DPP6: variants seen among roughly 807,000 people sequenced by gnomAD.
DPP6 encodes the protein A-type potassium channel modulatory protein DPP6.
Under a neutral mutation model 122.6 loss-of-function variants are expected in DPP6, and 69 were observed. The observed-to-expected ratio is 0.56, with a 90% CI of 0.46 to 0.69. The LOEUF is 0.69. Among genes scored for constraint, DPP6 ranks in the 30% least tolerant of loss-of-function variants. The pLI is 0.00. For synonymous variants in DPP6, 418 were observed against 433.1 expected (o/e 0.97, Z 0.43); for missense variants, 928 against 1,116.9 (o/e 0.83, Z 2.41).
chr7:154,712,091 G>A (rs1458182680), intron 7 of DPP6, among the ~76,000 whole-genome samples: 1 of 152,072 alleles, frequency 6.6e-6, no homozygotes, highest in African/African-American at 2.4e-5. Flanking sequence ...GTCAAATAAA[G>A]CCTCAATTAG....
the DPP6 span, among the ~76,000 whole-genome samples, chr7:153,810,551 A>C: frequency 1.3e-5 from 2 of 152,114 alleles, no homozygotes; most frequent in Non-Finnish European, 2.9e-5. Context: ...CATTTGCCTA[A>C]CTAGTGTTTC....
chr7:154,745,308 C>T (rs1372944326), intron 8 of DPP6, among the ~76,000 whole-genome samples: 1 of 152,188 alleles, frequency 6.6e-6, no homozygotes, highest in Non-Finnish European at 1.5e-5. Context: ...GACCTAGAGC[C>T]AGTTGTCAAC....
chr7:153,854,239 G>C, the DPP6 span, among the ~76,000 whole-genome samples: 1 of 151,694 alleles, frequency 6.6e-6, no homozygotes, highest in African/African-American at 2.4e-5. Flanking sequence ...TGCTGTTTTG[G>C]TTACTGTAGC....
At chr7:154,341,797 T>C (rs139544327) in intron 1 of DPP6, among the ~76,000 whole-genome samples, 1 of 152,164 alleles carries the variant, frequency 6.6e-6, no homozygotes, top group South Asian at 2.1e-4. Context: ...AAAATGGCTG[T>C]CTGTTCCTTG....
At chr7:153,887,854 G>A (rs576131914) in intron 1 of DPP6, 8 of 1,098,532 alleles carry the variant, frequency 7.3e-6, no homozygotes, top group Admixed American at 5.8e-5. Flanking sequence ...CCCCATGCCC[G>A]CGCGCGGCGG....
chr7:153,957,889 C>T (rs866367767), intron 1 of DPP6, among the ~76,000 whole-genome samples: 9 of 152,082 alleles, frequency 5.9e-5, no homozygotes, highest in South Asian at 2.1e-4. Flanking sequence ...ATTGCTCGGG[C>T]GCGGTGGCTC....
intron 1 of DPP6, among the ~76,000 whole-genome samples, chr7:154,372,332 C>G (rs1812745277): frequency 6.6e-6 from 1 of 152,098 alleles, no homozygotes; most frequent in Admixed American, 6.5e-5. Context: ...GAGGTTATTG[C>G]AGAGCATGGA....
the DPP6 span, among the ~76,000 whole-genome samples, chr7:153,818,899 A>C: frequency 1.2e-4 from 18 of 151,678 alleles, no homozygotes; most frequent in Middle Eastern, 3.4e-3. Flanking sequence ...TTACAGGTGC[A>C]TGCCACCACG....
chr7:154,622,718 T>C (rs1230127635), intron 5 of DPP6, among the ~76,000 whole-genome samples: 1 of 151,846 alleles, frequency 6.6e-6, no homozygotes, highest in Non-Finnish European at 1.5e-5. Context: ...TGGTCATTCG[T>C]TTATGGGGAA....
At chr7:154,330,180 C>A (rs555502795) in intron 1 of DPP6, among the ~76,000 whole-genome samples, 74 of 152,262 alleles carry the variant, frequency 4.9e-4, no homozygotes, top group African/African-American at 1.7e-3. Flanking sequence ...CACATGTATC[C>A]CAGAACTTAA....
intron 21 of DPP6, 51 bp downstream of exon 21, chr7:154,880,993 G>T: frequency 6.2e-7 from 1 of 1,604,038 alleles, no homozygotes; most frequent in Non-Finnish European, 8.5e-7. Flanking sequence ...AGTGTGGCCT[G>T]CACCATTACC....
intron 1 of DPP6, among the ~76,000 whole-genome samples, chr7:153,990,921 C>T (rs1797146044): frequency 6.6e-6 from 1 of 152,206 alleles, no homozygotes; most frequent in Non-Finnish European, 1.5e-5. Flanking sequence ...TATGTCTCTT[C>T]TGGGTTATTA....
chr7:153,760,339 G>C, the DPP6 span, among the ~76,000 whole-genome samples: 1 of 152,044 alleles, frequency 6.6e-6, no homozygotes. Flanking sequence ...TAATGTCCAC[G>C]TCCACTAATG....
chr7:154,500,401 G>A (rs897378435), intron 3 of DPP6, among the ~76,000 whole-genome samples: 1 of 152,150 alleles, frequency 6.6e-6, no homozygotes, highest in African/African-American at 2.4e-5. Context: ...GAGAGATAAA[G>A]CTTATAATAT....
chr7:153,948,008 A>G (rs1050603238), intron 1 of DPP6, among the ~76,000 whole-genome samples: 6 of 152,116 alleles, frequency 3.9e-5, no homozygotes, highest in African/African-American at 1.4e-4. Context: ...CCCTTCTCAT[A>G]AAGACACTGG....
chr7:153,924,578 TCTG>T (rs1183372459), intron 1 of DPP6, among the ~76,000 whole-genome samples: 1 of 152,240 alleles, frequency 6.6e-6, no homozygotes, highest in Non-Finnish European at 1.5e-5. Flanking sequence ...GAGCTTTCCT[TCTG>T]CTTTCTGGAT....
the DPP6 span, among the ~76,000 whole-genome samples, chr7:153,879,565 T>C: frequency 0.012 from 1,877 of 152,190 alleles, 22 homozygotes; most frequent in Middle Eastern, 0.034. Context: ...AATTTTTGTA[T>C]TTTAAGTAGA....
At chr7:153,918,708 G>A (rs1026213174) in intron 1 of DPP6, among the ~76,000 whole-genome samples, 6 of 151,878 alleles carry the variant, frequency 4.0e-5, no homozygotes, top group Non-Finnish European at 7.4e-5. Flanking sequence ...AGCCGGGCAT[G>A]GTGGCTCAAG....
At chr7:154,130,830 A>AGGGGC (rs1193637709) in intron 1 of DPP6, among the ~76,000 whole-genome samples, 4 of 152,158 alleles carry the variant, frequency 2.6e-5, no homozygotes, top group Non-Finnish European at 4.4e-5. Flanking sequence ...ATAAAAAAAA[A>AGGGGC]TAAAGCAAGA....
Sources: allele counts gnomAD v4.1 joint callset (sites outside exome capture counted in the v4.1 genomes callset), GRCh38; gene constraint gnomAD v4.1.1; transcripts MANE v1.5; gene names NCBI Gene and HGNC (gene_info 2026-07-23, HGNC 2026-07-21).